The following GNAQ variants were observed in gnomAD, a reference collection of about 807,000 sequenced individuals.
GNAQ encodes guanine nucleotide-binding protein G(q) subunit alpha.
Under a neutral mutation model 43.9 loss-of-function variants are expected in GNAQ, and 8 were observed. That is an observed-to-expected ratio of 0.18 (90% CI 0.11 to 0.33). The LOEUF (loss-of-function observed/expected upper bound fraction) is 0.33. Ranked by LOEUF, GNAQ falls within the 10% of genes least tolerant of loss-of-function variation. The pLI is 1.00. For synonymous variants in GNAQ, 155 were observed against 170.7 expected (o/e 0.91, Z 0.71); for missense variants, 158 against 450.8 (o/e 0.35, Z 5.88).
chr9:77,802,917 A>C (rs1231275105), intron 3 of GNAQ, among the ~76,000 whole-genome samples: 1 of 151,954 alleles, frequency 6.6e-6, no homozygotes, highest in Non-Finnish European at 1.5e-5. Context: ...ATAAATTATT[A>C]ATTTATAATT....
At chr9:77,816,350 C>A (rs77093933) in intron 2 of GNAQ, among the ~76,000 whole-genome samples, 1,538 of 152,200 alleles carry the variant, frequency 0.01, 26 homozygotes, top group African/African-American at 0.035. Flanking sequence ...CTCTTATGCA[C>A]CCAAACTTTC....
intron 5 of GNAQ, among the ~76,000 whole-genome samples, chr9:77,729,912 A>C (rs530586312): frequency 6.6e-6 from 1 of 152,260 alleles, no homozygotes; most frequent in East Asian, 1.9e-4. Context: ...CATTTATGGT[A>C]ATTAGTTTAG....
intron 2 of GNAQ, among the ~76,000 whole-genome samples, chr9:77,868,857 C>T (rs1827991142): frequency 6.6e-6 from 1 of 151,618 alleles, no homozygotes; most frequent in Admixed American, 6.6e-5. Context: ...CGTGGTGGCG[C>T]ATGCCTGTAA....
chr9:77,843,120 A>G (rs1827518773), intron 2 of GNAQ, among the ~76,000 whole-genome samples: 1 of 152,240 alleles, frequency 6.6e-6, no homozygotes, highest in Non-Finnish European at 1.5e-5. Context: ...TGGATCTTAC[A>G]AAAGTTAGAT....
intron 1 of GNAQ, among the ~76,000 whole-genome samples, chr9:77,929,002 T>C (rs1256631487): frequency 1.3e-5 from 2 of 152,146 alleles, no homozygotes; most frequent in Non-Finnish European, 2.9e-5. Flanking sequence ...TGGGCAAGAG[T>C]GAGACTCTGT....
chr9:77,966,102 T>C (rs1331763867), intron 1 of GNAQ, among the ~76,000 whole-genome samples: 2 of 152,044 alleles, frequency 1.3e-5, no homozygotes, highest in African/African-American at 4.8e-5. Context: ...TTCCCTCAGG[T>C]GTAAAACGTA....
intron 2 of GNAQ, among the ~76,000 whole-genome samples, chr9:77,864,462 T>A (rs1415130476): frequency 6.6e-6 from 1 of 152,178 alleles, no homozygotes; most frequent in East Asian, 1.9e-4. Flanking sequence ...TAGCCTGGAT[T>A]ATCCAAGTGG....
At chr9:78,019,938 AAAAAG>A (rs1409980148) in intron 1 of GNAQ, among the ~76,000 whole-genome samples, 10 of 151,344 alleles carry the variant, frequency 6.6e-5, no homozygotes, top group African/African-American at 2.4e-4. Context: ...AAAAAAAAAA[AAAAAG>A]AAAGAAAAGA....
At chr9:77,814,427 G>C (rs1210515552) in intron 3 of GNAQ, among the ~76,000 whole-genome samples, 1 of 152,168 alleles carries the variant, frequency 6.6e-6, no homozygotes, top group Admixed American at 6.5e-5. Context: ...GGGGGTTAAT[G>C]CTAGTTAAAA....
intron 1 of GNAQ, among the ~76,000 whole-genome samples, chr9:77,924,893 T>C (rs905415926): frequency 6.6e-6 from 1 of 152,024 alleles, no homozygotes; most frequent in African/African-American, 2.4e-5. Context: ...CAATAGGGAT[T>C]TCAACAGCTT....
chr9:77,916,535 G>A (rs950838801), intron 2 of GNAQ, among the ~76,000 whole-genome samples: 2 of 152,166 alleles, frequency 1.3e-5, no homozygotes, highest in Admixed American at 6.5e-5. Flanking sequence ...TGTCAAATGT[G>A]TTTAACGAGG....
Position 77,841,647 on chromosome 9 carries a change from C to T in GNAQ, c.322-25877G>A, listed in dbSNP as rs79710571. Reference sequence around the variant, plus strand: ...ATTTTAGATTTATCAAGGGTTGTGCCCAACTATTATATGTAAACACATAAA... The same window carrying T: ...ATTTTAGATTTATCAAGGGTTGTGCTCAACTATTATATGTAAACACATAAA... On this transcript the variant is annotated intron_variant, in intron 2 of 6. Transcript: ENST00000286548. 4.3e-3 allele frequency among the ~76,000 whole-genome samples: 647 copies of T among 152,186 alleles called. 4 individuals carry two copies. The highest frequency in any genetic ancestry group is 0.015 in the African/African-American group (619 of 41,484).
intron 5 of GNAQ, among the ~76,000 whole-genome samples, chr9:77,757,669 T>G (rs987646794): frequency 2.0e-5 from 3 of 152,228 alleles, no homozygotes; most frequent in Non-Finnish European, 4.4e-5. Flanking sequence ...CCAATAAGTC[T>G]TGCCTATCAA....
intron 2 of GNAQ, among the ~76,000 whole-genome samples, chr9:77,910,898 C>T (rs1294610473): frequency 1.3e-5 from 2 of 152,154 alleles, no homozygotes; most frequent in Non-Finnish European, 1.5e-5. Context: ...ATGTTTCAAA[C>T]CAAGTTGTGT....
chr9:77,716,784 A>G lies in GNAQ; in HGVS notation c.*4539T>C, dbSNP rs1825232974. On this transcript the variant is annotated 3_prime_UTR_variant, in exon 7 of 7. Transcript: ENST00000286548. ...ATTTGCTATATTGGGTTGGAATCAT[A>G]CGGGGAAATGGAGGACACAGGGTAG... 1 of 232,924 alleles carries G rather than the reference A, an allele frequency of 4.3e-6. No homozygotes were observed. Among genetic ancestry groups the G allele is most frequent in the African/African-American group, 2.2e-5 (1 of 45,444 alleles). 14.4% of individuals were successfully genotyped at this position (232,924 alleles called of 1,614,324 possible).
chr9:77,904,426 G>C (rs922587066), intron 2 of GNAQ, among the ~76,000 whole-genome samples: 1 of 134,604 alleles, frequency 7.4e-6, no homozygotes, highest in Admixed American at 8.9e-5. Context: ...TCCACCTCCC[G>C]GGTTCACCCC....
At chr9:78,016,957 CGTTATGTTAT>C (rs369022784) in intron 1 of GNAQ, among the ~76,000 whole-genome samples, 29 of 151,838 alleles carry the variant, frequency 1.9e-4, no homozygotes, top group Admixed American at 1.8e-3. Context: ...TGTTACGTTA[CGTTATGTTAT>C]GTTATGTTAT....
chr9:77,999,092 CAAAAAAA>C (rs56358201), intron 1 of GNAQ, among the ~76,000 whole-genome samples: 1 of 52,574 alleles, frequency 1.9e-5, no homozygotes, highest in African/African-American at 1.0e-4. Flanking sequence ...AACTCTGTCT[CAAAAAAA>C]AAAAAAAAAA....
At chr9:77,999,745 G>A (rs1823620297) in intron 1 of GNAQ, among the ~76,000 whole-genome samples, 1 of 152,160 alleles carries the variant, frequency 6.6e-6, no homozygotes, top group Non-Finnish European at 1.5e-5. Context: ...GAAATGATTT[G>A]TTCTTACTGA....
Sources: gnomAD v4.1 joint callset for allele counts (sites outside exome capture counted in the v4.1 genomes callset) on GRCh38, gnomAD v4.1.1 for gene constraint, MANE v1.5 for transcripts, NCBI Gene and HGNC (gene_info 2026-07-23, HGNC 2026-07-21) for gene names.